The following TRANK1 variants were observed in gnomAD, a reference collection of about 807,000 sequenced individuals.
TRANK1 encodes the protein TPR and ankyrin repeat-containing protein 1.
In TRANK1, 198 loss-of-function variants were observed where a neutral mutation model predicts 266.0. The observed-to-expected ratio is 0.74, with a 90% CI of 0.66 to 0.84. The LOEUF (loss-of-function observed/expected upper bound fraction) is 0.84. Among genes scored for constraint, TRANK1 ranks in the 40% least tolerant of loss-of-function variants. TRANK1 has a pLI of 0.00. For synonymous variants in TRANK1, 1,396 were observed against 1,384.1 expected (o/e 1.01, Z -0.19); for missense variants, 3,326 against 3,634.6 (o/e 0.92, Z 2.18).
rs959171428 is a variant in TRANK1 at position 36,827,455 on chromosome 3, T to C, written c.*820A>G. 4 of 152,186 alleles carry C rather than the reference T, an allele frequency of 2.6e-5. No individual in the cohort carries two copies. The highest frequency in any genetic ancestry group is 5.9e-5 in the Non-Finnish European group (4 of 68,040). 9.4% of individuals were successfully genotyped at this position (152,186 alleles called of 1,614,324 possible). A position where few individuals can be genotyped will look rare whatever the true frequency, so the allele number is the denominator to read the frequency against. ...AGAAAACTAGATGTACAGGGCTGTATACAAAACACTTTTTGGAATGTCTGC... is the reference window on the plus strand; with the variant it reads ...AGAAAACTAGATGTACAGGGCTGTACACAAAACACTTTTTGGAATGTCTGC... On this transcript the variant is annotated 3_prime_UTR_variant, in exon 24 of 24. Transcript: ENST00000645898.
rs1016924316 is a variant in TRANK1 at position 36,903,030 on chromosome 3, C to T, written c.282+119G>A. 8 of 1,316,772 alleles carry T rather than the reference C, an allele frequency of 6.1e-6. No individual in the cohort carries two copies. The African/African-American group carries it at 1.2e-4, about 19-fold the overall frequency. The allele number at this position is 1,316,772 out of a possible 1,614,324, so 81.6% of individuals were successfully genotyped here. ...AAGAGGCAGGCTAAAAGGAAGGAGG[C>T]AGCAGCTGCCACCCCCAGGTGCCAC... On this transcript the variant is annotated intron_variant, in intron 3 of 23. Transcript: ENST00000645898.
At position 36,857,541 on chromosome 3, in the gene TRANK1, C is replaced by A. The variant is rs777006922; in HGVS notation, c.2181G>T (p.Ser727=). Reference sequence around the variant, plus strand: ...TGTCCTGCATAAGGCAGTCTCTCAGCGAGCAGGGCCTGAGAGCTCCAGGCT... The same window carrying A: ...TGTCCTGCATAAGGCAGTCTCTCAGAGAGCAGGGCCTGAGAGCTCCAGGCT... ...RKEPGALRPC[S]LRDCLMQDIT... Residue 727 remains serine (S), a synonymous_variant, in exon 13 of 24, where the codon TCG becomes TCT. Coordinates refer to ENST00000645898, the MANE Select transcript of TRANK1 (RefSeq NM_001329998.2). This position sits in a 1 kb window ranked among gnomAD's most constrained non-coding sequence, Gnocchi z 4.3. The A allele has an allele frequency of 3.1e-6, 5 of 1,613,920 alleles. No individual in the cohort carries two copies. The East Asian group carries it at 1.1e-4, about 36-fold the overall frequency.
chr3:36,919,525 T>C (rs539183575), intron 1 of TRANK1, among the ~76,000 whole-genome samples: 1 of 152,380 alleles, frequency 6.6e-6, no homozygotes, highest in Admixed American at 6.5e-5. Context: ...ATCCATTCTG[T>C]TGATGGGCAT....
chr3:36,850,049 G>A (rs2078966322), intron 15 of TRANK1: 6 of 985,370 alleles, frequency 6.1e-6, no homozygotes, highest in South Asian at 4.7e-5. Flanking sequence ...CACAAATAGA[G>A]CCAACCACAA....
intron 10 of TRANK1, among the ~76,000 whole-genome samples, chr3:36,862,770 AGAGAGTCT>A (rs1419546388): frequency 6.6e-6 from 1 of 152,208 alleles, no homozygotes; most frequent in Non-Finnish European, 1.5e-5. Context: ...TCATCTCCAC[AGAGAGTCT>A]GAGATGGAAG....
At chr3:36,891,199 G>T (rs534499142) in intron 7 of TRANK1, among the ~76,000 whole-genome samples, 36 of 152,056 alleles carry the variant, frequency 2.4e-4, no homozygotes, top group Admixed American at 2.4e-3. Context: ...AATTAGCCAG[G>T]CGTGGTGGCG....
At chr3:36,877,554 C>T (rs2125579873) in intron 8 of TRANK1, among the ~76,000 whole-genome samples, 1 of 152,224 alleles carries the variant, frequency 6.6e-6, no homozygotes, top group East Asian at 1.9e-4. Flanking sequence ...AACTAAAATA[C>T]ATTTAACCAT....
chr3:36,863,650 C>T (rs540491825), intron 10 of TRANK1, among the ~76,000 whole-genome samples: 42 of 152,294 alleles, frequency 2.8e-4, no homozygotes, highest in African/African-American at 8.4e-4. Flanking sequence ...CTACCCAAGG[C>T]AAGGGGATGA....
chr3:36,837,946 T>A (rs903995691), intron 20 of TRANK1, among the ~76,000 whole-genome samples: 2 of 152,198 alleles, frequency 1.3e-5, no homozygotes, highest in Non-Finnish European at 2.9e-5. Flanking sequence ...GACTGCTGAA[T>A]TGGATAGTGC....
intron 1 of TRANK1, among the ~76,000 whole-genome samples, chr3:36,918,602 G>GAAAGAAAGAAA (rs2080168783): frequency 1.8e-5 from 1 of 54,578 alleles, no homozygotes. Flanking sequence ...AAGGAAGGAA[G>GAAAGAAAGAAA]GAAGGAAAGA....
In TRANK1 at chr3:36,874,251, G is replaced by A; in HGVS notation, c.953C>T (p.Pro318Leu). The A allele has an allele frequency of 1.3e-6, 2 of 1,537,112 alleles. No homozygotes were observed. Among genetic ancestry groups the A allele is most frequent in the South Asian group, 2.4e-5 (2 of 84,046 alleles). ...CCGAGACTGTCGATCCAGCAAAGTGGGATCTGCCCCAAAGCGCAGGAGCAT... is the reference window on the plus strand; with the variant it reads ...CCGAGACTGTCGATCCAGCAAAGTGAGATCTGCCCCAAAGCGCAGGAGCAT... ...VQMLLRFGAD[P>L]TLLDRQSRSV... The change falls in exon 9 of 24, where the codon CCC (proline) becomes CTC (leucine). Residue 318 changes from proline (P) to leucine (L), a missense_variant. By Grantham distance (98) the Pro-to-Leu change is moderately conservative (BLOSUM62 -3). Coordinates refer to ENST00000645898, the MANE Select transcript of TRANK1 (RefSeq NM_001329998.2).
intron 13 of TRANK1, among the ~76,000 whole-genome samples, chr3:36,852,908 T>C (rs952589944): frequency 9.9e-5 from 15 of 151,918 alleles, no homozygotes; most frequent in Non-Finnish European, 1.9e-4. Context: ...AATATTACCA[T>C]GGTAAAAACA....
At chr3:36,850,712 T>G in intron 15 of TRANK1, 2 of 982,566 alleles carry the variant, frequency 2.0e-6, no homozygotes, top group Non-Finnish European at 2.4e-6. Context: ...CTCTGTAAAC[T>G]GCAAAGCACC....
chr3:36,852,881 T>C lies in TRANK1; in HGVS notation c.4550-536A>G, dbSNP rs568071492. 5.3e-5 allele frequency among the ~76,000 whole-genome samples: 8 copies of C among 152,058 alleles called. No homozygotes were observed. The East Asian group carries it at 1.4e-3, about 26-fold the overall frequency. ...ACCAGAATTGCCTTGTCCTCTCCCA[T>C]TGGTGCTTACAGAACCAATATTACC... On this transcript the variant is annotated intron_variant, in intron 13 of 23. Coordinates refer to ENST00000645898, the MANE Select transcript of TRANK1 (RefSeq NM_001329998.2).
Position 36,857,565 on chromosome 3 carries a change from C to T in TRANK1, c.2157G>A (p.Glu719=). 6.2e-7 allele frequency: 1 copy of T among 1,614,060 alleles called. No homozygotes were observed. Among genetic ancestry groups the T allele is most frequent in the Non-Finnish European group, 8.5e-7 (1 of 1,179,896 alleles). ...TLPGTQVTRK[E]PGALRPCSLR... is the part of the protein sequence containing the mutation. ...GCGAGCAGGGCCTGAGAGCTCCAGG[C>T]TCCTTCCTGGTCACCTGGGTACCTG... Residue 719 remains glutamate, a synonymous_variant, in exon 13 of 24, where the codon GAG becomes GAA. Transcript: ENST00000645898. The surrounding 1 kb of genome is among the most constrained non-coding windows in gnomAD (Gnocchi z 4.3).
chr3:36,836,610 A>G (rs2078773839), intron 20 of TRANK1, among the ~76,000 whole-genome samples: 1 of 152,258 alleles, frequency 6.6e-6, no homozygotes, highest in Non-Finnish European at 1.5e-5. Flanking sequence ...GTTGTGAAGA[A>G]GAGGATAAAC....
At chr3:36,885,239 C>G (rs1448041192) in intron 8 of TRANK1, among the ~76,000 whole-genome samples, 1 of 152,198 alleles carries the variant, frequency 6.6e-6, no homozygotes, top group African/African-American at 2.4e-5. Context: ...GTATTGACAT[C>G]ATGAACCCCT....
intron 4 of TRANK1, among the ~76,000 whole-genome samples, chr3:36,897,746 G>GCATAAATTAATAGCA (rs1341139535): frequency 2.6e-5 from 4 of 152,182 alleles, no homozygotes; most frequent in Non-Finnish European, 5.9e-5. Flanking sequence ...CACTGGCAGA[G>GCATAAATTAATAGCA]CATAAATTAA....
chr3:36,917,492 G>C (rs2080142847), intron 1 of TRANK1, among the ~76,000 whole-genome samples: 1 of 152,188 alleles, frequency 6.6e-6, no homozygotes, highest in Non-Finnish European at 1.5e-5. Flanking sequence ...CTCTAAAAGA[G>C]AGGTCATCCC....
Sources: allele counts gnomAD v4.1 joint callset (sites outside exome capture counted in the v4.1 genomes callset), GRCh38; gene constraint gnomAD v4.1.1; non-coding constraint Gnocchi (gnomAD v3.1); transcripts MANE v1.5; gene names NCBI Gene and HGNC (gene_info 2026-07-23, HGNC 2026-07-21).